TXNRD1: variants seen among roughly 807,000 people sequenced by gnomAD.
TXNRD1 encodes the protein thioredoxin reductase 1, also known as thioredoxin reductase 1, cytoplasmic.
A neutral mutation model predicts 80.3 loss-of-function variants in TXNRD1; 57 were observed. That is an observed-to-expected ratio of 0.71 (90% CI 0.57 to 0.89). The LOEUF is 0.89. TXNRD1 is among the 40% of genes least tolerant of loss of function. The probability of loss-of-function intolerance (pLI) is 0.00; values close to 1 mark genes in which losing one functional copy is unlikely to be tolerated. For synonymous variants in TXNRD1, 291 were observed against 285.2 expected, an observed-to-expected ratio of 1.02 and a Z score of -0.20; for missense variants, 730 against 803.0, an observed-to-expected ratio of 0.91 and a Z score of 1.10.
At chr12:104,348,288 A>T in intron 16 of TXNRD1, 65 bp from the exon 17 acceptor site, 1 of 1,504,534 alleles carries the variant, frequency 6.6e-7, no homozygotes, top group Non-Finnish European at 9.2e-7. Context: ...GCATTATCTG[A>T]ACTGTTCCCT....
chr12:104,281,229 C>T (rs1251965487), intron 3 of TXNRD1, among the ~76,000 whole-genome samples: 1 of 152,162 alleles, frequency 6.6e-6, no homozygotes, highest in Admixed American at 6.6e-5. Context: ...CATTGATTCT[C>T]TTTCTCTTAC....
chr12:104,338,629 G>A (rs956330475), intron 15 of TXNRD1, among the ~76,000 whole-genome samples: 5 of 147,820 alleles, frequency 3.4e-5, no homozygotes, highest in Non-Finnish European at 7.7e-5. Context: ...TCCAGGAGGC[G>A]GAGGTTGCGG....
intron 4 of TXNRD1, among the ~76,000 whole-genome samples, chr12:104,303,197 A>G (rs1227204848): frequency 1.3e-5 from 2 of 152,196 alleles, no homozygotes; most frequent in East Asian, 1.9e-4. Flanking sequence ...CCCCGATCCC[A>G]CAGATACTCA....
chr12:104,227,147 TAAC>T (rs1382042661), intron 1 of TXNRD1, among the ~76,000 whole-genome samples: 2 of 152,352 alleles, frequency 1.3e-5, no homozygotes, highest in African/African-American at 2.4e-5. Flanking sequence ...CAGTGTTTTA[TAAC>T]AACTGCTGAG....
At chr12:104,284,967 G>A (rs1383606772) in intron 3 of TXNRD1, among the ~76,000 whole-genome samples, 1 of 152,140 alleles carries the variant, frequency 6.6e-6, no homozygotes, top group East Asian at 1.9e-4. Flanking sequence ...CTTGAGGCTA[G>A]GAGTTTGACC....
chr12:104,257,688 C>T (rs867467653), intron 2 of TXNRD1, among the ~76,000 whole-genome samples: 1 of 152,112 alleles, frequency 6.6e-6, no homozygotes, highest in African/African-American at 2.4e-5. Context: ...GGATTACAGA[C>T]GTGAGCCACC....
intron 3 of TXNRD1, among the ~76,000 whole-genome samples, chr12:104,259,788 A>G (rs1232796454): frequency 3.3e-5 from 5 of 151,620 alleles, no homozygotes; most frequent in Admixed American, 2.0e-4. Context: ...ACGCCCGGCC[A>G]TAAGTTTCAT....
At chr12:104,342,070 CAACCTGG>C (rs1277215439) in intron 16 of TXNRD1, among the ~76,000 whole-genome samples, 1 of 152,102 alleles carries the variant, frequency 6.6e-6, no homozygotes, top group Non-Finnish European at 1.5e-5. Flanking sequence ...TGATATTCAC[CAACCTGG>C]AAGTTCTCCA....
rs139758492 is a variant in TXNRD1 at position 104,339,418 on chromosome 12, T to C, written c.1881+145T>C. On this transcript the variant is annotated intron_variant, in intron 16 of 16. Coordinates refer to ENST00000525566, the MANE Select transcript of TXNRD1 (RefSeq NM_001093771.3). The stretch of plus-strand genomic sequence containing the variant: ...GGCTTTGTCTCTAAAAATTAGTTTT[T>C]GTCTTTCAATACTGATTGCTCATGG... The C allele has an allele frequency of 7.0e-6, 8 of 1,135,786 alleles. No individual in the cohort carries two copies. In the African/African-American group the frequency reaches 1.1e-4, roughly 15 times the overall value. 70.4% of individuals were successfully genotyped at this position (1,135,786 alleles called of 1,614,324 possible). A position where few individuals can be genotyped will look rare whatever the true frequency, so the allele number is the denominator to read the frequency against.
chr12:104,305,920 C>T (rs894591005), intron 4 of TXNRD1, among the ~76,000 whole-genome samples: 1 of 151,788 alleles, frequency 6.6e-6, no homozygotes, highest in Non-Finnish European at 1.5e-5. Flanking sequence ...TTTTTTTCCC[C>T]CTCGAGACAG....
intron 14 of TXNRD1, among the ~76,000 whole-genome samples, chr12:104,332,361 C>G (rs904962701): frequency 6.6e-6 from 1 of 152,112 alleles, no homozygotes; most frequent in Non-Finnish European, 1.5e-5. Flanking sequence ...TTTTAAATCT[C>G]TTAATAATCT....
At chr12:104,264,294 G>A (rs892558055) in intron 3 of TXNRD1, among the ~76,000 whole-genome samples, 12 of 152,166 alleles carry the variant, frequency 7.9e-5, no homozygotes, top group African/African-American at 2.7e-4. Flanking sequence ...TAGTGGGTAA[G>A]ACATTTAAAG....
Position 104,217,421 on chromosome 12 carries a change from C to A in TXNRD1, c.91+1528C>A, listed in dbSNP as rs542331628. On this transcript the variant is annotated intron_variant, in intron 1 of 16. Transcript: ENST00000525566. ...CACCTCCCAGGTTGAAGCGATTCTC[C>A]TGCCTCAGCCTCCCAAGTAGCTGGG... Among the ~76,000 whole-genome samples the A allele has an allele frequency of 9.2e-4, 139 of 151,778 alleles. No homozygotes were observed. In the Middle Eastern group the frequency reaches 0.017, roughly 19 times the overall value.
intron 13 of TXNRD1, 69 bp from the exon 14 acceptor site, chr12:104,331,463 CTT>C: frequency 9.6e-7 from 1 of 1,040,936 alleles, no homozygotes; most frequent in Non-Finnish European, 1.4e-6. Flanking sequence ...TCAATTTTGA[CTT>C]TTTTGAATAC....
chr12:104,322,847 A>G (rs2035587445), intron 10 of TXNRD1, among the ~76,000 whole-genome samples: 1 of 146,864 alleles, frequency 6.8e-6, no homozygotes, highest in Non-Finnish European at 1.5e-5. Flanking sequence ...GGTGTTTCTC[A>G]CAGAGGGGGA....
At chr12:104,267,645 GTATCTTTC>G (rs1235500992) in intron 3 of TXNRD1, among the ~76,000 whole-genome samples, 7 of 103,506 alleles carry the variant, frequency 6.8e-5, no homozygotes, top group African/African-American at 2.6e-4. Flanking sequence ...AGATGTGATG[GTATCTTTC>G]TTTCTTTCTT....
At chr12:104,327,101 C>T (rs2035792783) in intron 12 of TXNRD1, among the ~76,000 whole-genome samples, 2 of 152,168 alleles carry the variant, frequency 1.3e-5, no homozygotes, top group African/African-American at 2.4e-5. Flanking sequence ...TGTGCCTGGC[C>T]GAATTTTAGA....
chr12:104,223,384 T>A (rs2032397158), intron 1 of TXNRD1, among the ~76,000 whole-genome samples: 1 of 152,232 alleles, frequency 6.6e-6, no homozygotes. Context: ...AAATTCGTTT[T>A]AGGTTTAGAG....
chr12:104,228,847 G>A (rs554590737), intron 1 of TXNRD1, among the ~76,000 whole-genome samples: 1,548 of 151,850 alleles, frequency 0.01, 19 homozygotes, highest in African/African-American at 0.035. Flanking sequence ...AGCCTCCTGA[G>A]TAGCTGGGAC....
Sources: allele counts gnomAD v4.1 joint callset (sites outside exome capture counted in the v4.1 genomes callset), GRCh38; gene constraint gnomAD v4.1.1; transcripts MANE v1.5; gene names NCBI Gene and HGNC (gene_info 2026-07-23, HGNC 2026-07-21).